Variants in IGSF21 observed in about 807,000 individuals in gnomAD.
The protein encoded by IGSF21 is immunoglobulin superfamily member 21.
In IGSF21, 28 loss-of-function variants were observed where a neutral mutation model predicts 46.8. That is an observed-to-expected ratio of 0.60 (90% CI 0.44 to 0.82). The LOEUF (loss-of-function observed/expected upper bound fraction) is 0.82, where lower values mean the gene tolerates loss of function less well. Among genes scored for constraint, IGSF21 ranks in the 40% least tolerant of loss-of-function variants. IGSF21 has a pLI of 0.00. For synonymous variants in IGSF21, 284 were observed against 273.6 expected, an observed-to-expected ratio of 1.04 and a Z score of -0.38; for missense variants, 624 against 665.5, an observed-to-expected ratio of 0.94 and a Z score of 0.69.
intron 6 of IGSF21, among the ~76,000 whole-genome samples, chr1:18,375,654 C>T (rs999344868): frequency 3.3e-5 from 5 of 152,184 alleles, no homozygotes; most frequent in African/African-American, 7.2e-5. Flanking sequence ...TCCACCCCTA[C>T]CCAGAGGTTC....
intron 2 of IGSF21, among the ~76,000 whole-genome samples, chr1:18,232,920 G>C (rs537824194): frequency 1.3e-5 from 2 of 152,286 alleles, no homozygotes; most frequent in Admixed American, 1.3e-4. Context: ...GATACTCAGG[G>C]GGCTTTGTTA....
Position 18,334,836 on chromosome 1 carries a change from C to T in IGSF21, c.306-56C>T. On this transcript the variant is annotated intron_variant, in intron 3 of 9. Coordinates refer to ENST00000251296, the MANE Select transcript of IGSF21 (RefSeq NM_032880.5). This position sits in a 1 kb window ranked among gnomAD's most constrained non-coding sequence, Gnocchi z 4.3. ...GCATCAGGATGAGTTTCCTTGAACG[C>T]TGCCTCACCCAGCCCCACGATGAAG... The T allele has an allele frequency of 7.6e-7, 1 of 1,321,230 alleles. No individual in the cohort carries two copies. The highest frequency in any genetic ancestry group is 1.1e-6 in the Non-Finnish European group (1 of 915,986). 81.8% of individuals were successfully genotyped at this position (1,321,230 alleles called of 1,614,324 possible).
intron 6 of IGSF21, among the ~76,000 whole-genome samples, chr1:18,372,045 T>A (rs989046888): frequency 6.6e-6 from 1 of 152,236 alleles, no homozygotes; most frequent in African/African-American, 2.4e-5. Context: ...TTAATAAATG[T>A]GAATGCTGGT....
intron 3 of IGSF21, among the ~76,000 whole-genome samples, chr1:18,317,552 G>T (rs752400044): frequency 6.6e-6 from 1 of 152,162 alleles, no homozygotes; most frequent in South Asian, 2.1e-4. Context: ...CTTGAGGCTT[G>T]GTCTAGAGTG....
At chr1:18,120,871 C>T (rs558514564) in intron 1 of IGSF21, among the ~76,000 whole-genome samples, 3 of 152,298 alleles carry the variant, frequency 2.0e-5, no homozygotes, top group African/African-American at 7.2e-5. Context: ...GTGTGTCCTT[C>T]CTACTCTGGT....
chr1:18,292,391 A>G (rs2085276086), intron 3 of IGSF21, among the ~76,000 whole-genome samples: 2 of 152,188 alleles, frequency 1.3e-5, no homozygotes, highest in Admixed American at 1.3e-4. Context: ...ACCACATTCT[A>G]CTGTTTTTTG....
At position 18,167,518 on chromosome 1, in the gene IGSF21, G is replaced by A. The variant is rs183177557; in HGVS notation, c.70+59320G>A. ...AGGGTCTTGGGTGGTGGTGACCCCA[G>A]TGAAAGTGATCCCTGTGGAAAGGCT... is the stretch of plus-strand genomic sequence containing the variant. On this transcript the variant is annotated intron_variant, in intron 1 of 9. Transcript: ENST00000251296. Among the ~76,000 whole-genome samples the A allele has an allele frequency of 2.0e-5, 3 of 152,242 alleles. No individual in the cohort carries two copies. The East Asian group carries it at 5.8e-4, about 29-fold the overall frequency.
intron 2 of IGSF21, among the ~76,000 whole-genome samples, chr1:18,238,922 C>T (rs538849599): frequency 2.8e-4 from 43 of 152,268 alleles, no homozygotes; most frequent in African/African-American, 9.4e-4. Flanking sequence ...GAATATGCAG[C>T]CTCTCTCCCA....
intron 1 of IGSF21, among the ~76,000 whole-genome samples, chr1:18,153,742 G>A (rs994408530): frequency 1.3e-5 from 2 of 151,774 alleles, no homozygotes; most frequent in African/African-American, 2.4e-5. Context: ...GGGGGCTGGG[G>A]ACACGAAGGG....
At chr1:18,150,358 G>A (rs1203932151) in intron 1 of IGSF21, among the ~76,000 whole-genome samples, 2 of 152,168 alleles carry the variant, frequency 1.3e-5, no homozygotes, top group Admixed American at 1.3e-4. Flanking sequence ...CGGAGGCTGG[G>A]AGGATTGGAG....
chr1:18,333,878 AC>A (rs2085739382), intron 3 of IGSF21, among the ~76,000 whole-genome samples: 1 of 152,188 alleles, frequency 6.6e-6, no homozygotes, highest in African/African-American at 2.4e-5. Context: ...TGCTTTTTAT[AC>A]TTTGAAATGG....
At position 18,322,993 on chromosome 1, in the gene IGSF21, C is replaced by T. The variant is rs2085619117; in HGVS notation, c.306-11899C>T. On this transcript the variant is annotated intron_variant, in intron 3 of 9. Transcript: ENST00000251296. This position sits in a 1 kb window ranked among gnomAD's most constrained non-coding sequence, Gnocchi z 4.3. ...CAGGGCCCAAGGTGAACAGCAGTGG[C>T]TGGACAGGGCAGGAAAGAGCGGTCG... Among the ~76,000 whole-genome samples the T allele has an allele frequency of 6.6e-6, 1 of 152,094 alleles. No individual in the cohort carries two copies. Among genetic ancestry groups the T allele is most frequent in the Non-Finnish European group, 1.5e-5 (1 of 68,032 alleles).
intron 4 of IGSF21, among the ~76,000 whole-genome samples, chr1:18,341,967 T>C (rs965258918): frequency 2.0e-5 from 3 of 152,066 alleles, no homozygotes; most frequent in African/African-American, 7.2e-5. Context: ...CAGATGTTAA[T>C]GAACTTTACA....
chr1:18,278,726 T>G, intron 2 of IGSF21: 1 of 418,214 alleles, frequency 2.4e-6, no homozygotes, highest in South Asian at 1.8e-5. Context: ...GCTAATTTTC[T>G]GATATTTTTT....
chr1:18,215,302 G>A (rs2124494716), intron 1 of IGSF21, among the ~76,000 whole-genome samples: 1 of 152,310 alleles, frequency 6.6e-6, no homozygotes, highest in Admixed American at 6.5e-5. Context: ...CCAGTAGTGT[G>A]GCCAGCAACA....
At chr1:18,166,672 AG>A (rs2086681814) in intron 1 of IGSF21, among the ~76,000 whole-genome samples, 1 of 152,130 alleles carries the variant, frequency 6.6e-6, no homozygotes, top group Admixed American at 6.5e-5. Flanking sequence ...CGAGGGCCTG[AG>A]GGGAAGGGGG....
At chr1:18,159,866 A>G (rs2086601179) in intron 1 of IGSF21, among the ~76,000 whole-genome samples, 1 of 152,004 alleles carries the variant, frequency 6.6e-6, no homozygotes, top group Non-Finnish European at 1.5e-5. Flanking sequence ...AATTTTTGGT[A>G]GAGATTGGAT....
chr1:18,328,660 G>A (rs1256005579), intron 3 of IGSF21, among the ~76,000 whole-genome samples: 1 of 152,212 alleles, frequency 6.6e-6, no homozygotes, highest in Non-Finnish European at 1.5e-5. Flanking sequence ...AGGCCCTGTT[G>A]TAAGTGCACT....
chr1:18,131,173 T>C (rs956165400), intron 1 of IGSF21, among the ~76,000 whole-genome samples: 1 of 152,222 alleles, frequency 6.6e-6, no homozygotes, highest in Admixed American at 6.5e-5. Context: ...TTCCTGTCCC[T>C]GCTTGGGGAG....
Sources: gnomAD v4.1 joint callset for allele counts (sites outside exome capture counted in the v4.1 genomes callset) on GRCh38, gnomAD v4.1.1 for gene constraint, Gnocchi (gnomAD v3.1) non-coding constraint, MANE v1.5 for transcripts, NCBI Gene and HGNC (gene_info 2026-07-23, HGNC 2026-07-21) for gene names.